Variants in LHFPL3 observed in about 807,000 individuals in gnomAD.
LHFPL3 encodes the protein LHFPL tetraspan subfamily member 3 protein.
A neutral mutation model predicts 19.3 loss-of-function variants in LHFPL3; 5 were observed. The ratio of observed to expected loss-of-function variants is 0.26; its 90% CI spans 0.14 to 0.54. The LOEUF is 0.54. Among genes scored for constraint, LHFPL3 ranks in the 20% least tolerant of loss-of-function variants. LHFPL3 has a pLI of 0.94. For missense variants in LHFPL3, 249 were observed against 307.4 expected (o/e 0.81, Z 1.42); for synonymous variants, 133 against 126.2 (o/e 1.05, Z -0.36).
At chr7:104,410,769 C>T (rs1791521240) in intron 1 of LHFPL3, among the ~76,000 whole-genome samples, 1 of 152,192 alleles carries the variant, frequency 6.6e-6, no homozygotes, top group South Asian at 2.1e-4. Flanking sequence ...CAAATGTAAT[C>T]ACCAACCAAT....
intron 1 of LHFPL3, among the ~76,000 whole-genome samples, chr7:104,457,188 A>G (rs1792560835): frequency 6.6e-6 from 1 of 152,046 alleles, no homozygotes. Context: ...TTACATATGT[A>G]TACATGTGCC....
chr7:104,448,011 C>G (rs1055411949), intron 1 of LHFPL3, among the ~76,000 whole-genome samples: 2 of 152,020 alleles, frequency 1.3e-5, no homozygotes, highest in Non-Finnish European at 2.9e-5. Flanking sequence ...AGAAATTCAT[C>G]TTCTGCTGTA....
intron 2 of LHFPL3, among the ~76,000 whole-genome samples, chr7:104,844,768 T>A (rs1791281770): frequency 6.6e-6 from 1 of 152,204 alleles, no homozygotes; most frequent in Non-Finnish European, 1.5e-5. Flanking sequence ...TGAGACGCAA[T>A]TTTGCTGTCA....
chr7:104,641,440 G>A (rs1791831562), intron 1 of LHFPL3, among the ~76,000 whole-genome samples: 1 of 152,178 alleles, frequency 6.6e-6, no homozygotes, highest in African/African-American at 2.4e-5. Flanking sequence ...TTATGAGAAA[G>A]GATCTGACCG....
intron 1 of LHFPL3, among the ~76,000 whole-genome samples, chr7:104,430,381 TACATATATATATATATATATATAC>T (rs1562894966): frequency 2.4e-3 from 135 of 56,198 alleles, no homozygotes; most frequent in African/African-American, 5.5e-3. Flanking sequence ...TATATATATA[TACATATATATATATATATATATAC>T]ATATATATAT....
chr7:104,881,943 G>A (rs980084128), intron 2 of LHFPL3, among the ~76,000 whole-genome samples: 1 of 152,152 alleles, frequency 6.6e-6, no homozygotes, highest in African/African-American at 2.4e-5. Flanking sequence ...TTTAAATTAA[G>A]TATGTATATT....
intron 2 of LHFPL3, among the ~76,000 whole-genome samples, chr7:104,807,203 CACAG>C (rs1562799407): frequency 6.6e-6 from 1 of 152,002 alleles, no homozygotes; most frequent in Admixed American, 6.6e-5. Flanking sequence ...AATTTGGATA[CACAG>C]ACAGACATGC....
chr7:104,512,348 T>C (rs1234813944), intron 1 of LHFPL3, among the ~76,000 whole-genome samples: 2 of 152,152 alleles, frequency 1.3e-5, no homozygotes, highest in Middle Eastern at 3.2e-3. Context: ...GTTACTACCA[T>C]GGGTCAGACA....
At chr7:104,790,828 C>T (rs561479841) in intron 2 of LHFPL3, among the ~76,000 whole-genome samples, 3 of 152,118 alleles carry the variant, frequency 2.0e-5, no homozygotes, top group East Asian at 3.9e-4. Flanking sequence ...AAATGAATAC[C>T]TTATATACCT....
At chr7:104,468,438 G>A (rs1158174087) in intron 1 of LHFPL3, among the ~76,000 whole-genome samples, 1 of 152,164 alleles carries the variant, frequency 6.6e-6, no homozygotes, top group Non-Finnish European at 1.5e-5. Flanking sequence ...GGTGTTGTCA[G>A]GTCATTCCAA....
At chr7:104,767,099 G>A (rs557090478) in intron 2 of LHFPL3, among the ~76,000 whole-genome samples, 1 of 152,308 alleles carries the variant, frequency 6.6e-6, no homozygotes, top group East Asian at 1.9e-4. Context: ...TTAAAGTTCT[G>A]ATTAAATGCG....
chr7:104,452,036 G>T (rs763858021), intron 1 of LHFPL3, among the ~76,000 whole-genome samples: 2 of 151,908 alleles, frequency 1.3e-5, no homozygotes, highest in African/African-American at 4.8e-5. Context: ...GTGGGCCACC[G>T]CACCCAGCCT....
intron 1 of LHFPL3, among the ~76,000 whole-genome samples, chr7:104,490,672 A>C (rs192851167): frequency 1.3e-5 from 2 of 152,294 alleles, no homozygotes; most frequent in African/African-American, 4.8e-5. Flanking sequence ...CTAAACCCCC[A>C]TATGTTTAAG....
intron 1 of LHFPL3, among the ~76,000 whole-genome samples, chr7:104,623,276 C>A (rs1286091354): frequency 2.0e-5 from 3 of 150,542 alleles, no homozygotes. Context: ...GGGCTATGTA[C>A]CATTTGAAAA....
chr7:104,893,106 C>T (rs561611922), intron 2 of LHFPL3, among the ~76,000 whole-genome samples: 1 of 151,558 alleles, frequency 6.6e-6, no homozygotes. Flanking sequence ...CATAGCTACT[C>T]GGGAGGCTGA....
At chr7:104,564,227 C>G (rs1186073620) in intron 1 of LHFPL3, among the ~76,000 whole-genome samples, 1 of 152,184 alleles carries the variant, frequency 6.6e-6, no homozygotes, top group South Asian at 2.1e-4. Context: ...GTTATGGGTT[C>G]TATTACCACT....
At chr7:104,478,954 A>G (rs1793077397) in intron 1 of LHFPL3, among the ~76,000 whole-genome samples, 1 of 152,176 alleles carries the variant, frequency 6.6e-6, no homozygotes. Flanking sequence ...GTTGTGCAGA[A>G]CAACTCATGA....
chr7:104,841,963 T>G (rs1326618028), intron 2 of LHFPL3, among the ~76,000 whole-genome samples: 1 of 152,046 alleles, frequency 6.6e-6, no homozygotes, highest in Non-Finnish European at 1.5e-5. Flanking sequence ...TTTATCATGG[T>G]GCAGATCCAG....
chr7:104,626,845 A>T (rs770695281), intron 1 of LHFPL3, among the ~76,000 whole-genome samples: 2 of 152,160 alleles, frequency 1.3e-5, no homozygotes, highest in Admixed American at 6.6e-5. Context: ...TGAAGTCAAC[A>T]TCACTTGTTA....
Sources: gnomAD v4.1 joint callset for allele counts (sites outside exome capture counted in the v4.1 genomes callset) on GRCh38, gnomAD v4.1.1 for gene constraint, MANE v1.5 for transcripts, NCBI Gene and HGNC (gene_info 2026-07-23, HGNC 2026-07-21) for gene names.